Variants in TMEM132C observed in about 807,000 individuals in gnomAD.
TMEM132C encodes the protein protein phosphatase 1, regulatory subunit 152.
Under a neutral mutation model 61.4 loss-of-function variants are expected in TMEM132C, and 29 were observed. That is an observed-to-expected ratio of 0.47 (90% CI 0.35 to 0.64). The LOEUF is 0.64. Among genes scored for constraint, TMEM132C ranks in the 30% least tolerant of loss-of-function variants. The pLI, the probability that TMEM132C is intolerant of heterozygous loss-of-function variation, is 0.00. For synonymous variants in TMEM132C, 656 were observed against 633.1 expected (o/e 1.04, Z -0.54); for missense variants, 1,408 against 1,476.9 (o/e 0.95, Z 0.76).
At chr12:128,617,276 C>G (rs1249768611) in intron 4 of TMEM132C, among the ~76,000 whole-genome samples, 2 of 152,220 alleles carry the variant, frequency 1.3e-5, no homozygotes, top group East Asian at 3.9e-4. Flanking sequence ...CTCAGCTCTC[C>G]TTCCTCTTTG....
intron 2 of TMEM132C, among the ~76,000 whole-genome samples, chr12:128,521,826 G>A (rs370551816): frequency 1.3e-5 from 2 of 152,106 alleles, no homozygotes; most frequent in East Asian, 3.9e-4. Context: ...AATATTTAAA[G>A]TCCTTACAAA....
intron 1 of TMEM132C, among the ~76,000 whole-genome samples, chr12:128,292,191 A>T (rs748788259): frequency 2.0e-5 from 3 of 152,184 alleles, no homozygotes; most frequent in African/African-American, 7.2e-5. Context: ...TTCTGACAAA[A>T]TATCACTTTT....
At chr12:128,643,649 G>T (rs569922317) in intron 4 of TMEM132C, among the ~76,000 whole-genome samples, 1 of 152,260 alleles carries the variant, frequency 6.6e-6, no homozygotes, top group South Asian at 2.1e-4. Context: ...GGAGGAGAGA[G>T]AAGTACATCT....
At chr12:128,678,550 G>A (rs1475214575) in intron 5 of TMEM132C, among the ~76,000 whole-genome samples, 1 of 152,212 alleles carries the variant, frequency 6.6e-6, no homozygotes, top group Non-Finnish European at 1.5e-5. Context: ...GAGTTTGAAC[G>A]CAGTCATCCA....
intron 1 of TMEM132C, among the ~76,000 whole-genome samples, chr12:128,339,526 A>G (rs1196390020): frequency 2.0e-5 from 3 of 151,920 alleles, no homozygotes; most frequent in Non-Finnish European, 4.4e-5. Flanking sequence ...TTTAGAGGCC[A>G]CTTAGGAAGT....
intron 1 of TMEM132C, among the ~76,000 whole-genome samples, chr12:128,343,397 C>A (rs1873041504): frequency 6.7e-6 from 1 of 148,772 alleles, no homozygotes. Flanking sequence ...GCACTCCAGC[C>A]TGGTGACAAA....
intron 1 of TMEM132C, among the ~76,000 whole-genome samples, chr12:128,272,184 C>T (rs891515084): frequency 1.3e-5 from 2 of 152,104 alleles, no homozygotes; most frequent in Admixed American, 6.5e-5. Flanking sequence ...CCTTTGTAGC[C>T]CCCTCCTTCC....
intron 5 of TMEM132C, among the ~76,000 whole-genome samples, chr12:128,675,526 T>C (rs1319942748): frequency 6.6e-6 from 1 of 152,224 alleles, no homozygotes; most frequent in Non-Finnish European, 1.5e-5. Flanking sequence ...TCTCAAAGGT[T>C]GCAGTGACTG....
intron 3 of TMEM132C, among the ~76,000 whole-genome samples, chr12:128,612,921 T>C (rs1876682364): frequency 6.6e-6 from 1 of 152,172 alleles, no homozygotes; most frequent in African/African-American, 2.4e-5. Context: ...GCTGGCTTCT[T>C]TTTCATGCCT....
chr12:128,413,018 G>A (rs1868616517), intron 1 of TMEM132C, among the ~76,000 whole-genome samples: 1 of 152,060 alleles, frequency 6.6e-6, no homozygotes, highest in South Asian at 2.1e-4. Flanking sequence ...CAATGTTGAG[G>A]CCAGGCACGG....
intron 2 of TMEM132C, among the ~76,000 whole-genome samples, chr12:128,473,976 T>A (rs1033730370): frequency 6.6e-6 from 1 of 152,238 alleles, no homozygotes; most frequent in African/African-American, 2.4e-5. Flanking sequence ...GGCCATGTTA[T>A]CTTGAAAATG....
intron 1 of TMEM132C, among the ~76,000 whole-genome samples, chr12:128,374,130 C>T (rs775213561): frequency 6.6e-6 from 1 of 152,066 alleles, no homozygotes; most frequent in South Asian, 2.1e-4. Flanking sequence ...ATGACTGGCC[C>T]GGGTGGGGAG....
intron 5 of TMEM132C, among the ~76,000 whole-genome samples, chr12:128,671,450 A>T (rs1954531134): frequency 6.6e-6 from 1 of 152,222 alleles, no homozygotes; most frequent in South Asian, 2.1e-4. Flanking sequence ...AACCCTGGAA[A>T]CACATCCAGG....
chr12:128,495,822 G>A (rs1183638772), intron 2 of TMEM132C, among the ~76,000 whole-genome samples: 1 of 151,962 alleles, frequency 6.6e-6, no homozygotes, highest in Admixed American at 6.6e-5. Context: ...GGAGCATTTA[G>A]CCCATTTACA....
intron 3 of TMEM132C, among the ~76,000 whole-genome samples, chr12:128,582,360 G>A (rs900332150): frequency 4.0e-5 from 6 of 150,978 alleles, no homozygotes; most frequent in African/African-American, 7.3e-5. Context: ...GGGGATGCAG[G>A]GAAAACAGAC....
intron 2 of TMEM132C, among the ~76,000 whole-genome samples, chr12:128,539,576 C>G (rs1490036146): frequency 6.6e-6 from 1 of 152,144 alleles, no homozygotes; most frequent in Non-Finnish European, 1.5e-5. Context: ...CGAGATGGCG[C>G]CATTGCACTC....
rs557957178 is a variant in TMEM132C at position 128,318,084 on chromosome 12, C to G, written c.85+50597C>G. Among the ~76,000 whole-genome samples, 12 of 152,188 alleles carry G rather than the reference C, an allele frequency of 7.9e-5. No homozygotes were observed. In the South Asian group the frequency reaches 1.0e-3, roughly 13 times the overall value. On this transcript the variant is annotated intron_variant, in intron 1 of 8. Coordinates refer to ENST00000435159, the MANE Select transcript of TMEM132C (RefSeq NM_001136103.3). ...ACCTGTTGGATGTCAGGCTGGGGCT[C>G]GGCTTTGAGGACATGGTGGTGAAAA...
chr12:128,424,239 T>C (rs74589049), intron 2 of TMEM132C, among the ~76,000 whole-genome samples: 1 of 152,092 alleles, frequency 6.6e-6, no homozygotes, highest in Non-Finnish European at 1.5e-5. Flanking sequence ...CTCCTACTTA[T>C]GCACAAAATA....
At chr12:128,495,661 C>CT in intron 2 of TMEM132C, among the ~76,000 whole-genome samples, 1 of 152,066 alleles carries the variant, frequency 6.6e-6, no homozygotes, top group Non-Finnish European at 1.5e-5. Flanking sequence ...CAACCCCTGC[C>CT]TTTTTTTGTT....
Sources: gnomAD v4.1 joint callset for allele counts (sites outside exome capture counted in the v4.1 genomes callset) on GRCh38, gnomAD v4.1.1 for gene constraint, MANE v1.5 for transcripts, NCBI Gene and HGNC (gene_info 2026-07-23, HGNC 2026-07-21) for gene names.